Variants in GSE1 observed in about 807,000 individuals in gnomAD.
GSE1 encodes the protein genetic suppressor element 1.
A neutral mutation model predicts 112.6 loss-of-function variants in GSE1; 32 were observed. That is an observed-to-expected ratio of 0.28 (90% CI 0.21 to 0.38). The LOEUF is 0.38. Ranked by LOEUF, GSE1 falls within the 10% of genes least tolerant of loss-of-function variation. The probability of loss-of-function intolerance (pLI) is 1.00; values close to 1 mark genes in which losing one functional copy is unlikely to be tolerated. For synonymous variants in GSE1, 1,115 were observed against 735.6 expected (o/e 1.52, Z -8.35); for missense variants, 2,348 against 1,699.2 (o/e 1.38, Z -6.71).
intron 1 of GSE1, among the ~76,000 whole-genome samples, chr16:85,325,355 C>T (rs983240837): frequency 6.6e-6 from 1 of 151,944 alleles, no homozygotes; most frequent in African/African-American, 2.4e-5. Context: ...TCTGGGGGCT[C>T]TTTATTGTCC....
chr16:85,353,808 C>T (rs1388626082), intron 1 of GSE1, among the ~76,000 whole-genome samples: 2 of 152,242 alleles, frequency 1.3e-5, no homozygotes, highest in African/African-American at 4.8e-5. Context: ...GTCTCCTCCA[C>T]TCAATGCCCT....
intron 1 of GSE1, among the ~76,000 whole-genome samples, chr16:85,216,873 A>G (rs2075314085): frequency 6.6e-6 from 1 of 152,174 alleles, no homozygotes; most frequent in African/African-American, 2.4e-5. Context: ...TGAGCAATCT[A>G]CAGAACTCAG....
At chr16:85,624,315 G>A (rs1276823710) in intron 1 of GSE1, among the ~76,000 whole-genome samples, 5 of 152,226 alleles carry the variant, frequency 3.3e-5, no homozygotes, top group African/African-American at 7.2e-5. Flanking sequence ...TGCAATGGAA[G>A]GCAGCCTGGT....
At chr16:85,292,848 A>G (rs1567668420) in intron 1 of GSE1, among the ~76,000 whole-genome samples, 2 of 152,264 alleles carry the variant, frequency 1.3e-5, no homozygotes, top group Non-Finnish European at 2.9e-5. Flanking sequence ...GTCCCAGAAC[A>G]TTCCATTGTC....
chr16:85,197,850 C>T (rs369121878), intron 1 of GSE1, among the ~76,000 whole-genome samples: 7 of 152,334 alleles, frequency 4.6e-5, no homozygotes. Context: ...GTCCGGGTAG[C>T]ACCGCCAGCC....
Position 85,534,413 on chromosome 16 carries a change from C to G in GSE1, c.2465-99501C>G, listed in dbSNP as rs145705946. ...CTGGGATTACAGGACTGAGCCACCA[C>G]GCCCGGCCAATTTCTTTTTTTAAAA... On this transcript the variant is annotated intron_variant, in intron 2 of 2. Coordinates refer to the GSE1 transcript ENST00000637419. Among the ~76,000 whole-genome samples the G allele has an allele frequency of 1.3e-3, 199 of 152,296 alleles. 1 individual carries two copies. The highest frequency in any genetic ancestry group is 4.6e-3 in the African/African-American group (192 of 41,560).
At chr16:85,329,936 G>T (rs1296394653) in intron 1 of GSE1, among the ~76,000 whole-genome samples, 1 of 150,716 alleles carries the variant, frequency 6.6e-6, no homozygotes, top group Non-Finnish European at 1.5e-5. Context: ...AGAGGCTGGT[G>T]GGGGGGCAGG....
intron 2 of GSE1, among the ~76,000 whole-genome samples, chr16:85,512,821 A>G (rs2051793594): frequency 6.6e-6 from 1 of 152,138 alleles, no homozygotes; most frequent in African/African-American, 2.4e-5. Context: ...AGGGTCGGGT[A>G]TAGGGGGACC....
At chr16:85,464,126 G>A (rs1389894318) in intron 2 of GSE1, among the ~76,000 whole-genome samples, 2 of 151,810 alleles carry the variant, frequency 1.3e-5, no homozygotes, top group African/African-American at 4.8e-5. Context: ...TCGCCTGCCC[G>A]CCCACCCCTC....
At chr16:85,241,693 C>T (rs568277275) in intron 1 of GSE1, among the ~76,000 whole-genome samples, 2 of 152,116 alleles carry the variant, frequency 1.3e-5, no homozygotes, top group Non-Finnish European at 2.9e-5. Flanking sequence ...TGAAACCCTG[C>T]GCTTTATGTA....
chr16:85,661,048 C>G, intron 8 of GSE1, 98 bp from the exon 9 acceptor site: 1 of 1,177,798 alleles, frequency 8.5e-7, no homozygotes, highest in Non-Finnish European at 1.2e-6. Context: ...AGGGGCTGCG[C>G]CATCTGTGTC....
At chr16:85,460,274 G>C (rs564416577) in intron 2 of GSE1, among the ~76,000 whole-genome samples, 1 of 152,222 alleles carries the variant, frequency 6.6e-6, no homozygotes, top group Admixed American at 6.5e-5. Flanking sequence ...GGAACCACCC[G>C]GGGGGCTTTG....
chr16:85,543,470 C>CA (rs1212604479), intron 2 of GSE1, among the ~76,000 whole-genome samples: 1 of 152,216 alleles, frequency 6.6e-6, no homozygotes, highest in Non-Finnish European at 1.5e-5. Flanking sequence ...CAGGGTTGCC[C>CA]ACCCCATAGA....
intron 1 of GSE1, among the ~76,000 whole-genome samples, chr16:85,333,522 C>T (rs2046419816): frequency 6.6e-6 from 1 of 152,238 alleles, no homozygotes. Flanking sequence ...GCTTGGGGGG[C>T]CTGGGTCAGG....
At chr16:85,305,556 C>T (rs1240388059) in intron 1 of GSE1, among the ~76,000 whole-genome samples, 1 of 152,172 alleles carries the variant, frequency 6.6e-6, no homozygotes, top group Admixed American at 6.5e-5. Context: ...TCTCAGCTCA[C>T]TGCAACCTCC....
intron 1 of GSE1, among the ~76,000 whole-genome samples, chr16:85,322,688 T>C (rs1452735844): frequency 6.6e-6 from 1 of 150,780 alleles, no homozygotes; most frequent in African/African-American, 2.4e-5. Context: ...TGATCTTGGC[T>C]CACTGCCACC....
chr16:85,359,003 A>G (rs1199683923), intron 2 of GSE1, among the ~76,000 whole-genome samples: 3 of 151,692 alleles, frequency 2.0e-5, no homozygotes, highest in Admixed American at 2.0e-4. Flanking sequence ...CACGGGGCAG[A>G]TGTGGGGATT....
At chr16:85,475,416 C>T (rs567144898) in intron 2 of GSE1, among the ~76,000 whole-genome samples, 11 of 152,344 alleles carry the variant, frequency 7.2e-5, no homozygotes, top group African/African-American at 2.2e-4. Flanking sequence ...CCGTGTTTGT[C>T]CTGTAGAGGC....
At chr16:85,551,776 C>G (rs150533108), upstream of GSE1, among the ~76,000 whole-genome samples, 2 of 152,214 alleles carry the variant, frequency 1.3e-5, no homozygotes, top group Admixed American at 1.3e-4. Context: ...CTCTCCTTCC[C>G]GAGGATGTGG....
Sources: allele counts gnomAD v4.1 joint callset (sites outside exome capture counted in the v4.1 genomes callset), GRCh38; gene constraint gnomAD v4.1.1; transcripts MANE v1.5; gene names NCBI Gene and HGNC (gene_info 2026-07-23, HGNC 2026-07-21).